The following ANKRD28 variants were observed in gnomAD, a reference collection of about 807,000 sequenced individuals.
The protein encoded by ANKRD28 is ankyrin repeat domain 28.
A neutral mutation model predicts 126.5 loss-of-function variants in ANKRD28; 44 were observed. The observed-to-expected ratio is 0.35, with a 90% CI of 0.27 to 0.45. The LOEUF (loss-of-function observed/expected upper bound fraction) is 0.45. ANKRD28 is among the 20% of genes least tolerant of loss of function. The pLI is 1.00. For synonymous variants in ANKRD28, 442 were observed against 468.5 expected (o/e 0.94, Z 0.73); for missense variants, 1,110 against 1,316.6 (o/e 0.84, Z 2.43).
At chr3:15,707,551 T>C (rs571279945) in intron 14 of ANKRD28, among the ~76,000 whole-genome samples, 1 of 152,272 alleles carries the variant, frequency 6.6e-6, no homozygotes, top group East Asian at 1.9e-4. Flanking sequence ...CTCTACCCAA[T>C]CTTCTGATGA....
At chr3:15,822,081 A>C (rs2060954525) in intron 1 of ANKRD28, among the ~76,000 whole-genome samples, 1 of 152,164 alleles carries the variant, frequency 6.6e-6, no homozygotes, top group African/African-American at 2.4e-5. Flanking sequence ...TATAATAGAA[A>C]ACCTAGAGGC....
Position 15,690,112 on chromosome 3 carries a change from C to T in ANKRD28, c.1870G>A (p.Gly624Ser). ...AGTACATCCACACATTCAACATGGC[C>T]CTTAAAAGCTGCAAGATCTAGGGGT... ...RTPLDLAAFKGHVECVDVLIN... is the reference protein window; with the variant it reads ...RTPLDLAAFKSHVECVDVLIN... The change falls in exon 18 of 28, where the codon GGC becomes AGC. Residue 624 changes from glycine to serine, a missense_variant. Coordinates refer to ENST00000683139, the MANE Select transcript of ANKRD28 (RefSeq NM_001349278.2). 1 of 1,611,848 alleles carries T rather than the reference C, an allele frequency of 6.2e-7. No homozygotes were observed. Among genetic ancestry groups the T allele is most frequent in the Non-Finnish European group, 8.5e-7 (1 of 1,178,982 alleles).
chr3:15,835,003 C>T (rs2061291594), intron 1 of ANKRD28, among the ~76,000 whole-genome samples: 1 of 152,086 alleles, frequency 6.6e-6, no homozygotes, highest in Non-Finnish European at 1.5e-5. Context: ...CAAAAATTAG[C>T]CATGTGTGTT....
At chr3:15,768,180 T>C (rs1559499804) in intron 2 of ANKRD28, among the ~76,000 whole-genome samples, 1 of 152,220 alleles carries the variant, frequency 6.6e-6, no homozygotes, top group East Asian at 1.9e-4. Context: ...ATTAGAATAC[T>C]AATACAGTTT....
intron 2 of ANKRD28, among the ~76,000 whole-genome samples, chr3:15,780,584 T>C (rs1299913868): frequency 1.3e-5 from 2 of 152,022 alleles, no homozygotes; most frequent in African/African-American, 4.8e-5. Context: ...TAAATTCATA[T>C]GAAACAATAA....
intron 1 of ANKRD28, among the ~76,000 whole-genome samples, chr3:15,808,515 T>C (rs1575745633): frequency 6.6e-6 from 1 of 152,244 alleles, no homozygotes; most frequent in Non-Finnish European, 1.5e-5. Context: ...ATTTATTCAA[T>C]AGTCATCTTT....
intron 6 of ANKRD28, among the ~76,000 whole-genome samples, chr3:15,726,672 A>G (rs930471795): frequency 1.3e-5 from 2 of 152,264 alleles, no homozygotes; most frequent in Non-Finnish European, 2.9e-5. Flanking sequence ...TCTAAAAGAT[A>G]TAAGATTATT....
chr3:15,756,765 T>C (rs1347005841), intron 3 of ANKRD28, among the ~76,000 whole-genome samples: 1 of 152,132 alleles, frequency 6.6e-6, no homozygotes, highest in Non-Finnish European at 1.5e-5. Context: ...GGGCCCCAGA[T>C]TTAAACAACA....
At position 15,668,333 on chromosome 3, in the gene ANKRD28, G is replaced by A. The variant is rs1430107485; in HGVS notation, c.*1937C>T. The A allele has an allele frequency of 6.6e-6, 1 of 151,534 alleles. No individual in the cohort carries two copies. The highest frequency in any genetic ancestry group is 1.5e-5 in the Non-Finnish European group (1 of 67,894). 9.4% of individuals were successfully genotyped at this position (151,534 alleles called of 1,614,324 possible). ...AAAAGGAAAGAGAAAGCACACATAT[G>A]TATACTTTTAGAATCTGCTTGATTT... On this transcript the variant is annotated 3_prime_UTR_variant, in exon 28 of 28. Transcript: ENST00000683139.
At chr3:15,684,486 G>T (rs142932747) in intron 21 of ANKRD28, 1 of 152,246 alleles carries the variant, frequency 6.6e-6, no homozygotes, top group African/African-American at 2.4e-5. Flanking sequence ...ATGTTATCTT[G>T]CAATGTGCTC....
intron 1 of ANKRD28, among the ~76,000 whole-genome samples, chr3:15,804,523 T>C (rs1334305300): frequency 1.4e-5 from 2 of 145,614 alleles, no homozygotes; most frequent in East Asian, 3.0e-4. Flanking sequence ...TGGTTGAAGA[T>C]TCAAAACTAT....
intron 2 of ANKRD28, among the ~76,000 whole-genome samples, chr3:15,767,498 G>C (rs989117977): frequency 1.3e-5 from 2 of 151,920 alleles, no homozygotes; most frequent in African/African-American, 4.8e-5. Flanking sequence ...TTGTTGCTTG[G>C]TGTGGACCAA....
upstream of ANKRD28, among the ~76,000 whole-genome samples, chr3:15,799,976 T>C (rs2060429108): frequency 6.6e-6 from 1 of 152,084 alleles, no homozygotes; most frequent in Non-Finnish European, 1.5e-5. Flanking sequence ...CCAGAAAATA[T>C]AGGTGGCATT....
chr3:15,804,576 T>G (rs1575738547), intron 1 of ANKRD28, among the ~76,000 whole-genome samples: 1 of 145,440 alleles, frequency 6.9e-6, no homozygotes, highest in Middle Eastern at 3.4e-3. Flanking sequence ...TAAGTGACTG[T>G]TGAGCAGTTA....
intron 11 of ANKRD28, among the ~76,000 whole-genome samples, 155 bp downstream of exon 11, chr3:15,711,985 C>T (rs1454411832): frequency 3.3e-5 from 5 of 151,980 alleles, no homozygotes; most frequent in Admixed American, 2.6e-4. Flanking sequence ...CATGAGCCAC[C>T]ACGCCAGACC....
rs574574581 is a variant in ANKRD28 at position 15,777,969 on chromosome 3, T to A, written c.202-11657A>T. On this transcript the variant is annotated intron_variant, in intron 2 of 27. Coordinates refer to ENST00000683139, the MANE Select transcript of ANKRD28 (RefSeq NM_001349278.2). ...ACCAAATACCTTTAGATCATAAACTTGCTGAAGTCAGGGGCTATGTTTTCT... is the reference window on the plus strand; with the variant it reads ...ACCAAATACCTTTAGATCATAAACTAGCTGAAGTCAGGGGCTATGTTTTCT... Among the ~76,000 whole-genome samples the A allele has an allele frequency of 5.3e-5, 8 of 151,534 alleles. No individual in the cohort carries two copies. In the South Asian group the frequency reaches 1.7e-3, roughly 32 times the overall value.
At chr3:15,793,489 G>T (rs2060127417) in intron 2 of ANKRD28, among the ~76,000 whole-genome samples, 1 of 151,952 alleles carries the variant, frequency 6.6e-6, no homozygotes, top group Admixed American at 6.6e-5. Flanking sequence ...TTTAATTTAG[G>T]ATAAATTGAT....
intron 1 of ANKRD28, among the ~76,000 whole-genome samples, chr3:15,855,708 C>G (rs964752384): frequency 6.6e-6 from 1 of 152,158 alleles, no homozygotes; most frequent in Non-Finnish European, 1.5e-5. Context: ...TTCCATTTAT[C>G]TGAGATATCC....
Position 15,700,731 on chromosome 3 carries a change from G to A in ANKRD28, c.1548-4486C>T, listed in dbSNP as rs146639440. On this transcript the variant is annotated intron_variant, in intron 14 of 27. Coordinates refer to ENST00000683139, the MANE Select transcript of ANKRD28 (RefSeq NM_001349278.2). ...GGAGGTTGCAGTGAGCAGAGATCGC[G>A]CCACTGCACTCCAGCCTGGCGACAG... is the stretch of plus-strand genomic sequence containing the variant. Among the ~76,000 whole-genome samples the A allele has an allele frequency of 2.9e-3, 435 of 152,132 alleles. 2 individuals are homozygous for A. Among genetic ancestry groups the A allele is most frequent in the Middle Eastern group, 0.01 (3 of 294 alleles).
Sources: allele counts gnomAD v4.1 joint callset (sites outside exome capture counted in the v4.1 genomes callset), GRCh38; gene constraint gnomAD v4.1.1; transcripts MANE v1.5; gene names NCBI Gene and HGNC (gene_info 2026-07-23, HGNC 2026-07-21).